Variants in PPP1R36 observed in about 807,000 individuals in gnomAD.
PPP1R36 encodes the protein protein phosphatase 1 regulatory subunit 36.
In PPP1R36, 47 loss-of-function variants were observed where a neutral mutation model predicts 53.4. That is an observed-to-expected ratio of 0.88 (90% CI 0.70 to 1.12). The LOEUF (loss-of-function observed/expected upper bound fraction) is 1.12, where lower values mean the gene tolerates loss of function less well. Ranked by LOEUF, PPP1R36 falls within the 50% of genes most tolerant of loss-of-function variation. PPP1R36 has a pLI of 0.00. For missense variants in PPP1R36, 456 were observed against 513.9 expected (o/e 0.89, Z 1.09); for synonymous variants, 153 against 170.5 (o/e 0.90, Z 0.80).
chr14:64,588,441 C>T (rs1294801483), intron 11 of PPP1R36, 146 bp downstream of exon 11: 7 of 617,200 alleles, frequency 1.1e-5, no homozygotes, highest in Non-Finnish European at 1.9e-5. Flanking sequence ...CCCTGCTCCC[C>T]TCCTAGTTTC....
intron 8 of PPP1R36, 46 bp from the exon 9 acceptor site, chr14:64,586,791 A>G (rs763425068): frequency 7.2e-7 from 1 of 1,393,664 alleles, no homozygotes; most frequent in South Asian, 1.2e-5. Flanking sequence ...ACCCTGAAAG[A>G]TTGAACTTCC....
In PPP1R36 at chr14:64,585,764, T is replaced by C. The variant is rs958885557; in HGVS notation, c.669-1073T>C. ...AGCAAAACCAGGATCAGCCTTGAAG[T>C]GTCCAGGGTCTGGCCTTGGCCGCTG... is the stretch of plus-strand genomic sequence containing the variant. On this transcript the variant is annotated intron_variant, in intron 8 of 11. Coordinates refer to ENST00000298705, the MANE Select transcript of PPP1R36 (RefSeq NM_172365.3). 5.3e-5 allele frequency among the ~76,000 whole-genome samples: 8 copies of C among 152,130 alleles called. No individual in the cohort carries two copies. In the East Asian group the frequency reaches 1.4e-3, roughly 26 times the overall value.
At chr14:64,589,022 GAA>G (rs1005200893) in intron 11 of PPP1R36, 128 bp from the exon 12 acceptor site, 1 of 610,652 alleles carries the variant, frequency 1.6e-6, no homozygotes, top group Non-Finnish European at 2.8e-6. Context: ...TAAAAAGAGA[GAA>G]AGAGTATATC....
chr14:64,583,838 G>T (rs1596748364), intron 8 of PPP1R36, among the ~76,000 whole-genome samples: 1 of 142,854 alleles, frequency 7.0e-6, no homozygotes, highest in Admixed American at 7.0e-5. Context: ...AAAAAAGAGA[G>T]AAAGAGTTCC....
intron 8 of PPP1R36, among the ~76,000 whole-genome samples, chr14:64,585,516 CAAAAAAAAAAA>C (rs57102182): frequency 0.026 from 2,858 of 109,192 alleles, 110 homozygotes; most frequent in African/African-American, 0.11. Flanking sequence ...GACCCTGTCT[CAAAAAAAAAAA>C]AAAAAAAAAA....
At chr14:64,574,903 T>C (rs1416478091) in intron 8 of PPP1R36, among the ~76,000 whole-genome samples, 1 of 152,198 alleles carries the variant, frequency 6.6e-6, no homozygotes, top group Admixed American at 6.5e-5. Flanking sequence ...TTGGCTCCCT[T>C]GGGCAGGAGG....
At chr14:64,587,069 T>G in intron 9 of PPP1R36, 125 bp from the exon 10 acceptor site, 1 of 859,984 alleles carries the variant, frequency 1.2e-6, no homozygotes, top group Non-Finnish European at 1.8e-6. Context: ...AATTTTTCAT[T>G]GTTTCAGGAA....
At chr14:64,572,422 A>C (rs1008319322) in intron 7 of PPP1R36, among the ~76,000 whole-genome samples, 4 of 152,180 alleles carry the variant, frequency 2.6e-5, no homozygotes, top group African/African-American at 9.6e-5. Flanking sequence ...GTATGGGGGA[A>C]TGGTTTCCAG....
At chr14:64,576,377 C>T (rs1169880976) in intron 8 of PPP1R36, among the ~76,000 whole-genome samples, 1 of 152,034 alleles carries the variant, frequency 6.6e-6, no homozygotes, top group African/African-American at 2.4e-5. Flanking sequence ...CACGGCACTC[C>T]GCCCTAATTC....
At chr14:64,563,229 T>C (rs1265938998) in intron 3 of PPP1R36, among the ~76,000 whole-genome samples, 1 of 152,252 alleles carries the variant, frequency 6.6e-6, no homozygotes, top group South Asian at 2.1e-4. Context: ...TAGAGTGCAG[T>C]GGTGTGATCT....
At chr14:64,582,620 A>G (rs57451210) in intron 8 of PPP1R36, among the ~76,000 whole-genome samples, 9,382 of 152,326 alleles carry the variant, frequency 0.062, 334 homozygotes, top group Non-Finnish European at 0.082. Context: ...CTGTACACAG[A>G]AAGTCTAAAT....
At chr14:64,556,521 G>A (rs929817177) in intron 3 of PPP1R36, among the ~76,000 whole-genome samples, 24 of 151,824 alleles carry the variant, frequency 1.6e-4, no homozygotes, top group Non-Finnish European at 2.6e-4. Context: ...TAGCATTTTG[G>A]TAAGCTGAAG....
chr14:64,566,835 G>A (rs1387146844), intron 6 of PPP1R36, among the ~76,000 whole-genome samples: 2 of 152,236 alleles, frequency 1.3e-5, no homozygotes, highest in African/African-American at 2.4e-5. Context: ...GGGAATCAGT[G>A]CCCTAGAAGC....
intron 6 of PPP1R36, among the ~76,000 whole-genome samples, chr14:64,567,859 C>T (rs772064952): frequency 2.6e-5 from 4 of 151,972 alleles, no homozygotes; most frequent in Admixed American, 6.6e-5. Flanking sequence ...GATGGGGTTT[C>T]GCCAGGCTGG....
intron 3 of PPP1R36, among the ~76,000 whole-genome samples, chr14:64,560,103 CAAAAAAA>C (rs1171697200): frequency 3.6e-5 from 1 of 27,478 alleles, no homozygotes; most frequent in African/African-American, 1.1e-4. Context: ...GAATCTGTCA[CAAAAAAA>C]AAAAAAAAAA....
rs146862653 is a variant in PPP1R36, at chr14:64,586,445, A to G, written c.669-392A>G. ...CTGTTTCTTTTTGTACCCAATAGCC[A>G]TAACTATTGTTTGCTAATTCTTTTC... On this transcript the variant is annotated intron_variant, in intron 8 of 11. Transcript: ENST00000298705. 3.5e-3 allele frequency: 563 copies of G among 159,680 alleles called. 4 individuals are homozygous for G. Among genetic ancestry groups the G allele is most frequent in the Non-Finnish European group, 5.7e-3 (417 of 73,252 alleles). 9.9% of individuals were successfully genotyped at this position (159,680 alleles called of 1,614,324 possible).
At chr14:64,556,053 T>G (rs66939314) in intron 3 of PPP1R36, among the ~76,000 whole-genome samples, 56,270 of 151,718 alleles carry the variant, frequency 0.37, 12,234 homozygotes, top group East Asian at 0.65. Context: ...TTATTTTGTG[T>G]TTTCAACATA....
intron 7 of PPP1R36, 146 bp from the exon 8 acceptor site, chr14:64,574,309 C>A: frequency 2.8e-6 from 2 of 725,446 alleles, no homozygotes; most frequent in Non-Finnish European, 4.4e-6. Flanking sequence ...GAGCTGTGAT[C>A]GCACCACTGC....
intron 2 of PPP1R36, 145 bp from the exon 3 acceptor site, chr14:64,552,669 T>G: frequency 1.6e-6 from 1 of 619,376 alleles, no homozygotes; most frequent in Non-Finnish European, 2.9e-6. Flanking sequence ...TATAATGACA[T>G]GTTTCATGAT....
Sources: gnomAD v4.1 joint callset for allele counts (sites outside exome capture counted in the v4.1 genomes callset) on GRCh38, gnomAD v4.1.1 for gene constraint, MANE v1.5 for transcripts, NCBI Gene and HGNC (gene_info 2026-07-23, HGNC 2026-07-21) for gene names.